The following SPIDR variants were observed in gnomAD, a reference collection of about 807,000 sequenced individuals.
The protein encoded by SPIDR is DNA repair-scaffolding protein.
A neutral mutation model predicts 104.6 loss-of-function variants in SPIDR; 93 were observed. The observed-to-expected ratio is 0.89, with a 90% confidence interval of 0.75 to 1.06. The LOEUF (loss-of-function observed/expected upper bound fraction) is 1.06, where lower values mean the gene tolerates loss of function less well. Ranked by LOEUF, SPIDR falls within the 50% of genes least tolerant of loss-of-function variation. SPIDR has a pLI of 0.00. For missense variants in SPIDR, 1,154 were observed against 1,111.2 expected (o/e 1.04, Z -0.55); for synonymous variants, 431 against 416.9 (o/e 1.03, Z -0.41).
intron 8 of SPIDR, among the ~76,000 whole-genome samples, chr8:47,514,890 C>A (rs2082881547): frequency 6.6e-6 from 1 of 151,254 alleles, no homozygotes; most frequent in African/African-American, 2.5e-5. Context: ...CAAAGACATT[C>A]ATTCTACCCT....
chr8:47,706,636 C>T (rs1043039316), intron 14 of SPIDR, among the ~76,000 whole-genome samples: 17 of 152,118 alleles, frequency 1.1e-4, no homozygotes, highest in African/African-American at 3.6e-4. Context: ...TCATCCCTAG[C>T]GCTGGCAACC....
intron 8 of SPIDR, among the ~76,000 whole-genome samples, chr8:47,556,422 C>G (rs1039503227): frequency 6.6e-6 from 1 of 152,202 alleles, no homozygotes; most frequent in Non-Finnish European, 1.5e-5. Context: ...CAAGCCAGAA[C>G]TGTTTTAGCC....
intron 8 of SPIDR, among the ~76,000 whole-genome samples, chr8:47,470,702 A>G (rs782530232): frequency 2.0e-5 from 3 of 152,152 alleles, no homozygotes; most frequent in Non-Finnish European, 1.5e-5. Flanking sequence ...TTTACACCAT[A>G]TACAAAAATC....
intron 11 of SPIDR, among the ~76,000 whole-genome samples, chr8:47,681,020 G>A (rs778470026): frequency 1.3e-5 from 2 of 152,200 alleles, no homozygotes; most frequent in Non-Finnish European, 2.9e-5. Context: ...CCGAGATCAC[G>A]CCATTGCGCT....
At chr8:47,419,568 A>G (rs1330805512) in intron 7 of SPIDR, among the ~76,000 whole-genome samples, 2 of 152,132 alleles carry the variant, frequency 1.3e-5, no homozygotes, top group Non-Finnish European at 2.9e-5. Context: ...TCAAAAAACC[A>G]GCTCCTGGAT....
At position 47,417,258 on chromosome 8, in the gene SPIDR, TC is replaced by T. The variant is rs1409258748; in HGVS notation, c.877+9299del. Reference sequence around the variant, plus strand: ...AGTCCCACCAACAGCGTAAAAGTGTTCCTATTTCTTCACATCCTCTCCAGCA... The same window carrying T: ...AGTCCCACCAACAGCGTAAAAGTGTTCTATTTCTTCACATCCTCTCCAGCA... On this transcript the variant is annotated intron_variant, in intron 7 of 19. Coordinates refer to ENST00000297423, the MANE Select transcript of SPIDR (RefSeq NM_001080394.4). 1.1e-4 allele frequency among the ~76,000 whole-genome samples: 16 copies of T among 152,340 alleles called. No homozygotes were observed. The East Asian group carries it at 2.3e-3, about 22-fold the overall frequency.
intron 5 of SPIDR, among the ~76,000 whole-genome samples, chr8:47,363,774 G>C (rs782117046): frequency 6.6e-6 from 1 of 151,438 alleles, no homozygotes; most frequent in Non-Finnish European, 1.5e-5. Flanking sequence ...CTGAGCTCAC[G>C]TTCTAGTTAG....
intron 10 of SPIDR, among the ~76,000 whole-genome samples, chr8:47,634,455 A>T (rs1273708921): frequency 2.0e-5 from 3 of 152,218 alleles, no homozygotes; most frequent in Non-Finnish European, 4.4e-5. Flanking sequence ...CATCTCAAAA[A>T]ACAAATTAAA....
intron 16 of SPIDR, among the ~76,000 whole-genome samples, chr8:47,725,124 C>G (rs1337945372): frequency 6.6e-6 from 1 of 152,216 alleles, no homozygotes; most frequent in Non-Finnish European, 1.5e-5. Flanking sequence ...TAGCAGAGTT[C>G]AAGTTACTGA....
At chr8:47,593,151 A>G (rs1283484146) in intron 8 of SPIDR, among the ~76,000 whole-genome samples, 1 of 151,772 alleles carries the variant, frequency 6.6e-6, no homozygotes, top group Non-Finnish European at 1.5e-5. Context: ...CTCCCAAAAC[A>G]CTGGGATTAC....
At chr8:47,486,858 C>T (rs1368999751) in intron 8 of SPIDR, among the ~76,000 whole-genome samples, 2 of 152,124 alleles carry the variant, frequency 1.3e-5, no homozygotes, top group East Asian at 1.9e-4. Flanking sequence ...AAGCACTAAA[C>T]GCGGAAAGGA....
chr8:47,729,257 A>G (rs1199215258), intron 18 of SPIDR, among the ~76,000 whole-genome samples, 155 bp from the exon 19 acceptor site: 1 of 152,216 alleles, frequency 6.6e-6, no homozygotes, highest in Non-Finnish European at 1.5e-5. Context: ...CAGTCTCTCC[A>G]TGTTAAAACA....
rs1213684560 is a variant in SPIDR, at chr8:47,260,988, T to C, written c.30T>C (p.Ser10=). ...CCCGCGGCAGCCGCGCTCGGGGCTCTAAGGTAGGCTCTGGGGCGGGAGTGG... is the reference window on the plus strand; with the variant it reads ...CCCGCGGCAGCCGCGCTCGGGGCTCCAAGGTAGGCTCTGGGGCGGGAGTGG... MPRGSRARG[S]KRKRSWNTEC... The change falls in exon 1 of 20, where the codon TCT becomes TCC. Residue 10 remains serine (S), a synonymous_variant. Coordinates refer to ENST00000297423, the MANE Select transcript of SPIDR (RefSeq NM_001080394.4). 3 of 1,229,666 alleles carry C rather than the reference T, an allele frequency of 2.4e-6. No individual in the cohort carries two copies. Among genetic ancestry groups the C allele is most frequent in the Middle Eastern group, 3.1e-4 (1 of 3,236 alleles). The allele number at this position is 1,229,666 out of a possible 1,614,324, so 76.2% of individuals were successfully genotyped here.
intron 8 of SPIDR, among the ~76,000 whole-genome samples, chr8:47,579,798 G>T (rs2059525243): frequency 6.6e-6 from 1 of 152,158 alleles, no homozygotes; most frequent in Admixed American, 6.5e-5. Flanking sequence ...TGCCCCGTCA[G>T]TTTGTGTCCC....
intron 7 of SPIDR, 68 bp from the exon 8 acceptor site, chr8:47,440,255 C>G: frequency 7.2e-7 from 1 of 1,393,182 alleles, no homozygotes; most frequent in Non-Finnish European, 1.0e-6. Flanking sequence ...TTTCATGACA[C>G]TTTATTCACG....
intron 10 of SPIDR, among the ~76,000 whole-genome samples, chr8:47,602,569 C>A (rs1051313396): frequency 2.6e-5 from 4 of 152,164 alleles, no homozygotes; most frequent in African/African-American, 9.7e-5. Flanking sequence ...CCCACCCAGC[C>A]CAGGTCAGGT....
At chr8:47,597,749 A>G (rs1219730529) in intron 9 of SPIDR, among the ~76,000 whole-genome samples, 2 of 152,134 alleles carry the variant, frequency 1.3e-5, no homozygotes, top group Non-Finnish European at 2.9e-5. Context: ...TTGGAATTTT[A>G]CTGATCCTAA....
chr8:47,703,568 CAAAT>C (rs1381637343), intron 14 of SPIDR, among the ~76,000 whole-genome samples: 1 of 152,240 alleles, frequency 6.6e-6, no homozygotes, highest in African/African-American at 2.4e-5. Context: ...TTGTCATTCA[CAAAT>C]GAATGAGCAG....
At chr8:47,339,679 C>CTT (rs199765975) in intron 5 of SPIDR, among the ~76,000 whole-genome samples, 114 of 135,870 alleles carry the variant, frequency 8.4e-4, no homozygotes, top group Non-Finnish European at 1.3e-3. Context: ...TGTTTACAAT[C>CTT]TTTTTTTTTT....
Sources: allele counts gnomAD v4.1 joint callset (sites outside exome capture counted in the v4.1 genomes callset), GRCh38; gene constraint gnomAD v4.1.1; transcripts MANE v1.5; gene names NCBI Gene and HGNC (gene_info 2026-07-23, HGNC 2026-07-21).